Variants in PRRC2C observed in about 807,000 individuals in gnomAD.
PRRC2C encodes the protein protein PRRC2C.
A neutral mutation model predicts 317.2 loss-of-function variants in PRRC2C; 72 were observed. The ratio of observed to expected loss-of-function variants is 0.23; its 90% CI spans 0.19 to 0.28. PRRC2C has a LOEUF of 0.28. Ranked by LOEUF, PRRC2C falls within the 10% of genes least tolerant of loss-of-function variation. The pLI is 1.00. For synonymous variants in PRRC2C, 1,296 were observed against 1,205.9 expected (o/e 1.07, Z -1.55); for missense variants, 3,074 against 3,459.7 (o/e 0.89, Z 2.80).
Position 171,557,946 on chromosome 1 carries a change from C to G in PRRC2C, c.5834C>G (p.Pro1945Arg). ...QAQTHKPVQN[P>R]LQTTSQSSKQ... Reference sequence around the variant, plus strand: ...CAGACCCACAAACCAGTCCAGAATCCACTACAGACTACATCTCAGTCTTCA... The same window carrying G: ...CAGACCCACAAACCAGTCCAGAATCGACTACAGACTACATCTCAGTCTTCA... Residue 1945 changes from proline (P) to arginine (R), a missense_variant, in exon 19 of 35, where the codon CCA (proline) becomes CGA (arginine). This residue lies in a region of PRRC2C where 640 missense variants were observed against 676.1 expected (regional missense o/e 0.95). Transcript: ENST00000647382. 1 of 1,604,252 alleles carries G rather than the reference C, an allele frequency of 6.2e-7. No homozygotes were observed. The highest frequency in any genetic ancestry group is 8.5e-7 in the Non-Finnish European group (1 of 1,175,458).
At chr1:171,504,332 A>G (rs1669778527) in intron 1 of PRRC2C, among the ~76,000 whole-genome samples, 1 of 152,164 alleles carries the variant, frequency 6.6e-6, no homozygotes, top group Non-Finnish European at 1.5e-5. Context: ...TTTTGGTGTT[A>G]TATCTAAGAA....
intron 1 of PRRC2C, among the ~76,000 whole-genome samples, chr1:171,508,598 G>C (rs1228577687): frequency 1.3e-5 from 2 of 152,198 alleles, no homozygotes; most frequent in Non-Finnish European, 1.5e-5. Flanking sequence ...GCGATGGCTA[G>C]AGTTAAATCG....
At chr1:171,543,775 A>C (rs1053499425) in intron 16 of PRRC2C, among the ~76,000 whole-genome samples, 4 of 152,196 alleles carry the variant, frequency 2.6e-5, no homozygotes, top group African/African-American at 9.7e-5. Context: ...TTATAAAGAA[A>C]AGAAATGTAT....
intron 4 of PRRC2C, 87 bp downstream of exon 4, chr1:171,514,732 T>C: frequency 8.6e-7 from 1 of 1,164,242 alleles, no homozygotes; most frequent in Non-Finnish European, 1.2e-6. Flanking sequence ...TGTGTTTTGG[T>C]AGAGCCATAA....
intron 17 of PRRC2C, among the ~76,000 whole-genome samples, chr1:171,549,224 A>G (rs1679722125): frequency 6.6e-6 from 1 of 152,082 alleles, no homozygotes; most frequent in Admixed American, 6.6e-5. Flanking sequence ...TAAAGTAGAG[A>G]CAAGGTCTCC....
At chr1:171,558,193 A>G (rs1164764362) in intron 19 of PRRC2C, 50 bp downstream of exon 19, 11 of 1,521,184 alleles carry the variant, frequency 7.2e-6, no homozygotes, top group African/African-American at 1.4e-5. Flanking sequence ...AGGAATACTG[A>G]GGTTTCTTTT....
chr1:171,533,257 G>C (rs2102430823), intron 12 of PRRC2C, among the ~76,000 whole-genome samples: 1 of 152,198 alleles, frequency 6.6e-6, no homozygotes, highest in South Asian at 2.1e-4. Context: ...CTGACTCCAA[G>C]ACATTTAACT....
chr1:171,582,305 T>G (rs943109289), intron 28 of PRRC2C, among the ~76,000 whole-genome samples: 4 of 152,216 alleles, frequency 2.6e-5, no homozygotes, highest in Non-Finnish European at 5.9e-5. Flanking sequence ...GAACAGGCCT[T>G]TTCACAGAAC....
rs755976561 is a variant in PRRC2C, at chr1:171,540,588, C to G, written c.3122C>G (p.Ala1041Gly). Residue 1041 changes from alanine to glycine, a missense_variant, in exon 16 of 35, where the codon GCC becomes GGC. By Grantham distance (60) the Ala-to-Gly change is moderately conservative. Coordinates refer to ENST00000647382, the MANE Select transcript of PRRC2C (RefSeq NM_001387844.1). ...AGGAAGGAGAAAGAAGGAGAAAAGGCCGAAAAGGTCACTGAAAAAGTAGTT... is the reference window on the plus strand; with the variant it reads ...AGGAAGGAGAAAGAAGGAGAAAAGGGCGAAAAGGTCACTGAAAAAGTAGTT... ...EQRKEKEGEK[A>G]EKVTEKVVVK... 6 of 1,613,628 alleles carry G rather than the reference C, an allele frequency of 3.7e-6. No homozygotes were observed. The highest frequency in any genetic ancestry group is 8.5e-7 in the Non-Finnish European group (1 of 1,179,846).
rs527985971 is a variant in PRRC2C, at chr1:171,585,871, T to G, written c.7750-1132T>G. Among the ~76,000 whole-genome samples, 19 of 152,246 alleles carry G rather than the reference T, an allele frequency of 1.2e-4. No individual in the cohort carries two copies. In the East Asian group the frequency reaches 1.7e-3, roughly 14 times the overall value. ...TCTCGGATTTCAGATTGGTTTTTTT[T>G]TGTGTGTTTGCGTATACATAATGAG... On this transcript the variant is annotated intron_variant, in intron 30 of 34. Transcript: ENST00000647382.
At chr1:171,533,021 A>G in intron 12 of PRRC2C, 60 bp downstream of exon 12, 5 of 1,435,532 alleles carry the variant, frequency 3.5e-6, no homozygotes, top group Non-Finnish European at 3.7e-6. Flanking sequence ...TGTTGGTTAC[A>G]GTTTGGGGTT....
chr1:171,494,409 T>C (rs572767852), intron 1 of PRRC2C, among the ~76,000 whole-genome samples: 1 of 152,294 alleles, frequency 6.6e-6, no homozygotes, highest in Admixed American at 6.5e-5. Context: ...CTATTTGTAG[T>C]AAAAGAATTC....
chr1:171,536,808 T>G (rs1283790891), intron 14 of PRRC2C, among the ~76,000 whole-genome samples: 1 of 152,178 alleles, frequency 6.6e-6, no homozygotes, highest in Non-Finnish European at 1.5e-5. Flanking sequence ...GATTTTTACA[T>G]TTATACTGGT....
In PRRC2C at chr1:171,515,309, G is replaced by A. The variant is rs568000547; in HGVS notation, c.401-425G>A. Among the ~76,000 whole-genome samples the A allele has an allele frequency of 7.9e-5, 12 of 152,280 alleles. No homozygotes were observed. In the South Asian group the frequency reaches 1.7e-3, roughly 21 times the overall value. ...ATTAAATCAAAGTAAAGTAAATGAA[G>A]CAATAAATTAAATAAAGGCATTTTA... On this transcript the variant is annotated intron_variant, in intron 4 of 34. Coordinates refer to ENST00000647382, the MANE Select transcript of PRRC2C (RefSeq NM_001387844.1).
intron 26 of PRRC2C, among the ~76,000 whole-genome samples, chr1:171,577,950 CTTTT>C (rs59582313): frequency 3.9e-5 from 4 of 103,754 alleles, no homozygotes; most frequent in Non-Finnish European, 5.6e-5. Flanking sequence ...GCTAATTTTT[CTTTT>C]TTTTTTTTTT....
chr1:171,564,968 A>G (rs1683376557), intron 20 of PRRC2C, among the ~76,000 whole-genome samples: 1 of 152,352 alleles, frequency 6.6e-6, no homozygotes, highest in East Asian at 1.9e-4. Flanking sequence ...GTAATTGACC[A>G]TGCTAGGTTT....
chr1:171,579,866 AC>A lies in PRRC2C; in HGVS notation c.7313del (p.Pro2438HisfsTer10). On this transcript the variant is annotated frameshift_variant, in exon 28 of 35. Coordinates refer to ENST00000647382, the MANE Select transcript of PRRC2C (RefSeq NM_001387844.1). LOFTEE classifies it high-confidence loss of function. The part of the protein sequence containing the change: ...VQQIPIPIYA[P>X]LQGQHQAQLS... ...AGCAGATTCCAATCCCTATTTATGC[AC>A]CACTGCAAGGGCAGCATCAAGCCCA... 1 of 1,589,238 alleles carries A rather than the reference AC, an allele frequency of 6.3e-7. No homozygotes were observed. Among genetic ancestry groups the A allele is most frequent in the Admixed American group, 1.9e-5 (1 of 53,592 alleles).
At chr1:171,559,898 A>G (rs1330210053) in intron 19 of PRRC2C, among the ~76,000 whole-genome samples, 2 of 152,182 alleles carry the variant, frequency 1.3e-5, no homozygotes, top group Non-Finnish European at 2.9e-5. Flanking sequence ...CCTTCAAAAT[A>G]TAAGCTTGTT....
Position 171,589,457 on chromosome 1 carries a change from C to T in PRRC2C, c.8288C>T (p.Ala2763Val). 7.8e-7 allele frequency: 1 copy of T among 1,289,830 alleles called. No individual in the cohort carries two copies. Among genetic ancestry groups the T allele is most frequent in the Non-Finnish European group, 1.0e-6 (1 of 988,868 alleles). The allele number at this position is 1,289,830 out of a possible 1,614,324, so 79.9% of individuals were successfully genotyped here. A position where few individuals can be genotyped will look rare whatever the true frequency, so the allele number is the denominator to read the frequency against. Reference sequence around the variant, plus strand: ...GCGCCTGTTCAGAGGCCACCAATGGCACTGGCCAGTCAGATGCCTCCTCCG... The same window carrying T: ...GCGCCTGTTCAGAGGCCACCAATGGTACTGGCCAGTCAGATGCCTCCTCCG... ...FPAPVQRPPM[A>V]LASQMPPPLT... Residue 2763 changes from alanine (A) to valine (V), a missense_variant, in exon 34 of 35, where the codon GCA (alanine) becomes GTA (valine). Coordinates refer to ENST00000647382, the MANE Select transcript of PRRC2C (RefSeq NM_001387844.1).
Sources: gnomAD v4.1 joint callset for allele counts (sites outside exome capture counted in the v4.1 genomes callset) on GRCh38, gnomAD v4.1.1 for gene constraint, gnomAD v4.1.1 regional missense constraint, MANE v1.5 for transcripts, NCBI Gene and HGNC (gene_info 2026-07-23, HGNC 2026-07-21) for gene names.